The following VPS41 variants were observed in gnomAD, a reference collection of about 807,000 sequenced individuals.
VPS41 encodes the protein VPS41 subunit of HOPS complex.
In VPS41, 85 loss-of-function variants were observed where a neutral mutation model predicts 130.9. The observed-to-expected ratio is 0.65, with a 90% CI of 0.55 to 0.78. The LOEUF is 0.78. Among genes scored for constraint, VPS41 ranks in the 30% least tolerant of loss-of-function variants. The pLI, the probability that VPS41 is intolerant of heterozygous loss-of-function variation, is 0.00. For synonymous variants in VPS41, 335 were observed against 332.9 expected, an observed-to-expected ratio of 1.01 and a Z score of -0.07; for missense variants, 874 against 1,018.7, an observed-to-expected ratio of 0.86 and a Z score of 1.93.
intron 4 of VPS41, among the ~76,000 whole-genome samples, chr7:38,843,891 C>A (rs1027513262): frequency 2.0e-5 from 3 of 151,962 alleles, no homozygotes; most frequent in African/African-American, 7.3e-5. Flanking sequence ...GTGGCATGGC[C>A]GGGTTATGTT....
intron 12 of VPS41, among the ~76,000 whole-genome samples, chr7:38,773,764 C>T (rs986573200): frequency 1.3e-5 from 2 of 152,148 alleles, no homozygotes; most frequent in African/African-American, 4.8e-5. Context: ...ACTTTCCTGA[C>T]ACATAAAATG....
chr7:38,776,590 A>T (rs1784262810), intron 11 of VPS41, 89 bp downstream of exon 11: 1 of 693,400 alleles, frequency 1.4e-6, no homozygotes, highest in South Asian at 1.7e-5. Context: ...CTCAGATTAT[A>T]GCGTATGCTA....
At chr7:38,785,449 C>T (rs1245790192) in intron 10 of VPS41, among the ~76,000 whole-genome samples, 3 of 152,168 alleles carry the variant, frequency 2.0e-5, no homozygotes, top group African/African-American at 4.8e-5. Context: ...ATTTAGTTTG[C>T]AATTTAATTC....
At chr7:38,879,691 C>T (rs568694448) in intron 2 of VPS41, among the ~76,000 whole-genome samples, 7 of 152,118 alleles carry the variant, frequency 4.6e-5, no homozygotes, top group African/African-American at 1.7e-4. Flanking sequence ...CTAGATCCTT[C>T]GCATGCACAG....
intron 13 of VPS41, among the ~76,000 whole-genome samples, chr7:38,772,225 T>C (rs1784167539): frequency 6.6e-6 from 1 of 152,034 alleles, no homozygotes; most frequent in South Asian, 2.1e-4. Context: ...TGAAATACTA[T>C]CTCTAATTTC....
chr7:38,907,777 G>C (rs1787300224), intron 1 of VPS41, among the ~76,000 whole-genome samples: 2 of 151,818 alleles, frequency 1.3e-5, no homozygotes, highest in South Asian at 4.1e-4. Context: ...CTATATCTAA[G>C]AACATATGAA....
In VPS41 at chr7:38,767,551, A is replaced by G. The variant is rs371608662; in HGVS notation, c.1233T>C (p.Tyr411=). The change falls in exon 15 of 29, where the codon TAT becomes TAC. Residue 411 remains tyrosine, a synonymous_variant. Coordinates refer to ENST00000310301, the MANE Select transcript of VPS41 (RefSeq NM_014396.4). ...YINHLVERGD[Y]DIAARKCQKI... ...GTCATCATTACCGTGCTGCTATGTC[A>G]TAGTCTCCTCTCTCCACCAGGTGAT... 27 of 1,608,558 alleles carry G rather than the reference A, an allele frequency of 1.7e-5. No individual in the cohort carries two copies. The highest frequency in any genetic ancestry group is 3.3e-4 in the Middle Eastern group (2 of 6,042).
At chr7:38,821,704 C>G (rs1332754370) in intron 5 of VPS41, among the ~76,000 whole-genome samples, 1 of 31,848 alleles carries the variant, frequency 3.1e-5, no homozygotes, top group African/African-American at 1.3e-4. Context: ...GAGACTCCGT[C>G]TCAAAAAAAA....
chr7:38,877,640 A>G (rs1305139364), intron 2 of VPS41, among the ~76,000 whole-genome samples: 2 of 152,188 alleles, frequency 1.3e-5, no homozygotes, highest in African/African-American at 4.8e-5. Flanking sequence ...AAGTGCAAAG[A>G]AGCAACTTGC....
At chr7:38,810,137 T>C (rs188975108) in intron 7 of VPS41, among the ~76,000 whole-genome samples, 18 of 151,868 alleles carry the variant, frequency 1.2e-4, no homozygotes, top group East Asian at 3.9e-4. Flanking sequence ...AAACAGAATA[T>C]GGAATAAGCT....
intron 23 of VPS41, 46 bp downstream of exon 23, chr7:38,745,513 C>T (rs773800088): frequency 1.4e-6 from 2 of 1,465,982 alleles, no homozygotes; most frequent in African/African-American, 2.8e-5. Flanking sequence ...ATGTTGTCAT[C>T]CCATTTCTTA....
intron 4 of VPS41, among the ~76,000 whole-genome samples, chr7:38,831,945 T>C (rs1161027494): frequency 6.6e-6 from 1 of 152,190 alleles, no homozygotes; most frequent in Non-Finnish European, 1.5e-5. Context: ...AAATCATACC[T>C]CTAAGGTAAG....
At chr7:38,745,978 G>T in intron 22 of VPS41, 1 of 193,638 alleles carries the variant, frequency 5.2e-6, no homozygotes, top group Non-Finnish European at 1.0e-5. Context: ...ATTTGTTTAA[G>T]CTCTGTTTCC....
chr7:38,839,862 A>G (rs971504931), intron 4 of VPS41, among the ~76,000 whole-genome samples: 5 of 152,220 alleles, frequency 3.3e-5, no homozygotes, highest in Non-Finnish European at 7.3e-5. Context: ...TATTAATCAA[A>G]CAAGCAATCC....
intron 22 of VPS41, among the ~76,000 whole-genome samples, chr7:38,748,953 T>C (rs143311532): frequency 7.3e-4 from 111 of 152,150 alleles, no homozygotes; most frequent in African/African-American, 2.6e-3. Flanking sequence ...TTTGTAGAGA[T>C]TAAATAAAAC....
chr7:38,834,378 A>G (rs1785449521), intron 4 of VPS41, among the ~76,000 whole-genome samples: 2 of 152,224 alleles, frequency 1.3e-5, no homozygotes, highest in Non-Finnish European at 2.9e-5. Context: ...AGGAGCAGCA[A>G]TCACAGAAAG....
chr7:38,760,561 CTTAT>C (rs148297562), intron 17 of VPS41, among the ~76,000 whole-genome samples: 4 of 130,658 alleles, frequency 3.1e-5, no homozygotes, highest in African/African-American at 9.2e-5. Flanking sequence ...TCTCCCCCTA[CTTAT>C]TTATTTATTT....
rs1795751916 is a variant in VPS41, at chr7:38,735,833, AGTGTTGCT to A, written c.2259+6144_2259+6151del. On this transcript the variant is annotated intron_variant, in intron 25 of 28. Transcript: ENST00000310301. ...CCCCTCTGTTAAGAAGACACCCATC[AGTGTTGCT>A]GACTTCATCTGAGAAGGGCTGTCCT... Among the ~76,000 whole-genome samples the A allele has an allele frequency of 2.0e-5, 3 of 152,290 alleles. No individual in the cohort carries two copies. The South Asian group carries it at 6.2e-4, about 32-fold the overall frequency.
chr7:38,836,791 T>C (rs963069090), intron 4 of VPS41, among the ~76,000 whole-genome samples: 8 of 152,308 alleles, frequency 5.3e-5, no homozygotes, highest in African/African-American at 1.4e-4. Context: ...GCAAACTTTT[T>C]AAAATAGTAG....
Sources: gnomAD v4.1 joint callset for allele counts (sites outside exome capture counted in the v4.1 genomes callset) on GRCh38, gnomAD v4.1.1 for gene constraint, MANE v1.5 for transcripts, NCBI Gene and HGNC (gene_info 2026-07-23, HGNC 2026-07-21) for gene names.